The following PRIM2 variants were observed in gnomAD, a reference collection of about 807,000 sequenced individuals.
The protein encoded by PRIM2 is DNA primase large subunit.
A neutral mutation model predicts 67.3 loss-of-function variants in PRIM2; 39 were observed. The ratio of observed to expected loss-of-function variants is 0.58; its 90% confidence interval spans 0.45 to 0.76. The LOEUF is 0.76. Among genes scored for constraint, PRIM2 ranks in the 30% least tolerant of loss-of-function variants. PRIM2 has a pLI of 0.00. For missense variants in PRIM2, 398 were observed against 598.7 expected (o/e 0.66, Z 3.50); for synonymous variants, 143 against 198.7 (o/e 0.72, Z 2.36).
chr6:57,417,053 G>A (rs1165332348), intron 7 of PRIM2, among the ~76,000 whole-genome samples: 1 of 150,934 alleles, frequency 6.6e-6, no homozygotes, highest in Non-Finnish European at 1.5e-5. Context: ...TGCAGTCTCC[G>A]CCTCCTGGGT....
At chr6:57,235,361 G>C in the PRIM2 span, among the ~76,000 whole-genome samples, 1 of 152,130 alleles carries the variant, frequency 6.6e-6, no homozygotes, top group South Asian at 2.1e-4. Flanking sequence ...CTACTCAGGA[G>C]GCTGAGGCAG....
chr6:57,641,185 T>C (rs1489549998), intron 13 of PRIM2, among the ~76,000 whole-genome samples: 3 of 152,186 alleles, frequency 2.0e-5, no homozygotes, highest in Admixed American at 1.3e-4. Context: ...TGGCTAGCCA[T>C]ATGCAGAAAA....
chr6:57,263,496 CTT>C, the PRIM2 span, among the ~76,000 whole-genome samples: 1 of 152,262 alleles, frequency 6.6e-6, no homozygotes, highest in Admixed American at 6.5e-5. Context: ...CCCTGTGTGT[CTT>C]TGTTTCCACG....
chr6:57,536,093 A>G (rs1774995913), intron 9 of PRIM2, among the ~76,000 whole-genome samples: 1 of 152,190 alleles, frequency 6.6e-6, no homozygotes, highest in Non-Finnish European at 1.5e-5. Flanking sequence ...GTCTGAATGA[A>G]CTAGACTGGG....
At chr6:57,311,718 C>T (rs1465257968), upstream of PRIM2, among the ~76,000 whole-genome samples, 2 of 152,006 alleles carry the variant, frequency 1.3e-5, no homozygotes, top group African/African-American at 4.8e-5. Flanking sequence ...GATCAAGCCA[C>T]TGCACTCCAG....
chr6:57,379,823 A>G (rs1375728881), intron 5 of PRIM2, 78 bp from the exon 6 acceptor site: 1 of 1,361,914 alleles, frequency 7.3e-7, no homozygotes, highest in Non-Finnish European at 9.8e-7. Flanking sequence ...AACAGTATTC[A>G]TTAAAACAGG....
intron 10 of PRIM2, among the ~76,000 whole-genome samples, chr6:57,543,983 G>A (rs1775234489): frequency 6.6e-6 from 1 of 152,164 alleles, no homozygotes; most frequent in Non-Finnish European, 1.5e-5. Context: ...ATAATGGATT[G>A]TGGAAGCAGC....
At chr6:57,294,007 T>A in the PRIM2 span, among the ~76,000 whole-genome samples, 8 of 152,338 alleles carry the variant, frequency 5.3e-5, no homozygotes, top group East Asian at 1.3e-3. Context: ...ATGTAGTTTG[T>A]GATAATGAAA....
the PRIM2 span, among the ~76,000 whole-genome samples, chr6:57,267,545 T>A: frequency 6.6e-6 from 1 of 151,554 alleles, no homozygotes; most frequent in Admixed American, 6.6e-5. Context: ...CATGAAAAAA[T>A]TTGGGGAGCA....
intron 12 of PRIM2, among the ~76,000 whole-genome samples, chr6:57,623,773 G>T (rs1291874012): frequency 6.6e-6 from 1 of 151,606 alleles, no homozygotes; most frequent in African/African-American, 2.4e-5. Flanking sequence ...TTTTAGACTG[G>T]GTAGCTTTGA....
chr6:57,500,080 T>A (rs1316846109), intron 7 of PRIM2, among the ~76,000 whole-genome samples: 1 of 152,236 alleles, frequency 6.6e-6, no homozygotes, highest in Non-Finnish European at 1.5e-5. Flanking sequence ...CTGATAGAGC[T>A]GTCTACCTAT....
In PRIM2 at chr6:57,423,516, G is replaced by A. The variant is rs1771527243; in HGVS notation, c.693+41348G>A. ...GACCTTGCCAGTTGGAGTGACATGA[G>A]TGCAGTGGATGAGCTGTGGCAAAGT... On this transcript the variant is annotated intron_variant, in intron 7 of 13. Transcript: ENST00000615550. Among the ~76,000 whole-genome samples the A allele has an allele frequency of 2.0e-5, 3 of 152,172 alleles. No individual in the cohort carries two copies. In the South Asian group the frequency reaches 6.2e-4, roughly 32 times the overall value.
chr6:57,371,958 C>T (rs1769573539), intron 5 of PRIM2, among the ~76,000 whole-genome samples: 1 of 152,206 alleles, frequency 6.6e-6, no homozygotes, highest in African/African-American at 2.4e-5. Flanking sequence ...TTACTGTCAA[C>T]AGAGATATAT....
At chr6:57,312,226 T>C (rs2127262902), upstream of PRIM2, among the ~76,000 whole-genome samples, 1 of 152,154 alleles carries the variant, frequency 6.6e-6, no homozygotes, top group African/African-American at 2.4e-5. Context: ...AAAGGTCAAG[T>C]GTGGTGGCTT....
At chr6:57,418,394 T>TTTG (rs1771349586) in intron 7 of PRIM2, among the ~76,000 whole-genome samples, 17 of 113,122 alleles carry the variant, frequency 1.5e-4, no homozygotes, top group African/African-American at 5.5e-4. Flanking sequence ...TTTTTTTTTT[T>TTTG]TTTTTTTTTT....
At chr6:57,386,518 G>A (rs1394035663) in intron 7 of PRIM2, among the ~76,000 whole-genome samples, 1 of 151,734 alleles carries the variant, frequency 6.6e-6, no homozygotes, top group Non-Finnish European at 1.5e-5. Flanking sequence ...TGGTGTCTTG[G>A]ATTTAATAGA....
chr6:57,529,942 G>C (rs1167556262), intron 8 of PRIM2, among the ~76,000 whole-genome samples: 2 of 152,012 alleles, frequency 1.3e-5, no homozygotes, highest in African/African-American at 4.8e-5. Flanking sequence ...GAAGAGTCTT[G>C]AGGTGGTGTA....
chr6:57,222,422 A>C, the PRIM2 span: 1 of 152,378 alleles, frequency 6.6e-6, no homozygotes, highest in Non-Finnish European at 1.5e-5. Context: ...GGAGCCCGGG[A>C]GGGCAGTGGG....
rs769627943 is a variant in PRIM2, at chr6:57,382,175, A to G, written c.693+7A>G. 7.4e-6 allele frequency: 12 copies of G among 1,611,210 alleles called. No individual in the cohort carries two copies. The highest frequency in any genetic ancestry group is 2.7e-5 in the African/African-American group (2 of 74,872). On this transcript the variant is annotated splice_region_variant and intron_variant, in intron 7 of 13. Coordinates refer to ENST00000615550, the MANE Select transcript of PRIM2 (RefSeq NM_000947.5). ...ACTGTCCAAGGCTTTGGCAGTGAGT[A>G]TTTTACTTGATTTCTGTATCTGACA... is the stretch of plus-strand genomic sequence containing the variant.
Sources: gnomAD v4.1 joint callset for allele counts (sites outside exome capture counted in the v4.1 genomes callset) on GRCh38, gnomAD v4.1.1 for gene constraint, MANE v1.5 for transcripts, NCBI Gene and HGNC (gene_info 2026-07-23, HGNC 2026-07-21) for gene names.